FSTL4: variants seen among roughly 807,000 people sequenced by gnomAD.
The protein encoded by FSTL4 is follistatin-related protein 4.
In FSTL4, 28 loss-of-function variants were observed where a neutral mutation model predicts 78.2. That is an observed-to-expected ratio of 0.36 (90% CI 0.27 to 0.49). The LOEUF (loss-of-function observed/expected upper bound fraction) is 0.49. FSTL4 is among the 20% of genes least tolerant of loss of function. FSTL4 has a pLI of 0.98. For missense variants in FSTL4, 922 were observed against 1,084.9 expected (o/e 0.85, Z 2.11); for synonymous variants, 422 against 440.5 (o/e 0.96, Z 0.53).
At chr5:133,387,454 C>G (rs1395070088) in intron 4 of FSTL4, among the ~76,000 whole-genome samples, 1 of 152,196 alleles carries the variant, frequency 6.6e-6, no homozygotes, top group African/African-American at 2.4e-5. Flanking sequence ...CCACCCCACC[C>G]TGATGGCCAT....
intron 3 of FSTL4, among the ~76,000 whole-genome samples, chr5:133,450,903 G>A (rs1380253697): frequency 6.6e-6 from 1 of 152,174 alleles, no homozygotes; most frequent in Non-Finnish European, 1.5e-5. Context: ...TGCTGGACAA[G>A]ACCCAGACCC....
At chr5:133,517,060 G>C (rs1342711073) in intron 3 of FSTL4, among the ~76,000 whole-genome samples, 1 of 148,690 alleles carries the variant, frequency 6.7e-6, no homozygotes, top group Non-Finnish European at 1.5e-5. Context: ...CTGGGAGATA[G>C]AGTGAGACCC....
chr5:133,353,551 T>TGAAAATGAGGGAATGTTGTA (rs1754875710), intron 4 of FSTL4, among the ~76,000 whole-genome samples: 1 of 147,908 alleles, frequency 6.8e-6, no homozygotes. Flanking sequence ...TAACTAGGAG[T>TGAAAATGAGGGAATGTTGTA]GAAAATGAGG....
Position 133,426,141 on chromosome 5 carries a change from T to C in FSTL4, c.161-25155A>G, listed in dbSNP as rs577421166. On this transcript the variant is annotated intron_variant, in intron 3 of 15. Coordinates refer to ENST00000265342, the MANE Select transcript of FSTL4 (RefSeq NM_015082.2). The surrounding 1 kb of genome is among the most constrained non-coding windows in gnomAD (Gnocchi z 5.0). Reference sequence around the variant, plus strand: ...CCCCAACATCCCTGAGAGTGTGCCTTTGATCTCAAAAGAAGTCATCTTTCC... The same window carrying C: ...CCCCAACATCCCTGAGAGTGTGCCTCTGATCTCAAAAGAAGTCATCTTTCC... 3.7e-4 allele frequency among the ~76,000 whole-genome samples: 56 copies of C among 152,294 alleles called. No homozygotes were observed. The South Asian group carries it at 0.01, about 28-fold the overall frequency.
At chr5:133,749,834 T>C in the FSTL4 span, among the ~76,000 whole-genome samples, 4 of 152,228 alleles carry the variant, frequency 2.6e-5, no homozygotes, top group Admixed American at 1.3e-4. Flanking sequence ...TGAATCACCC[T>C]GAGCCTTAGA....
chr5:133,828,286 T>A, the FSTL4 span, among the ~76,000 whole-genome samples: 1 of 152,144 alleles, frequency 6.6e-6, no homozygotes. Context: ...AAATTCTAAG[T>A]ACATATGTAT....
At chr5:133,467,666 G>T (rs755870944) in intron 3 of FSTL4, among the ~76,000 whole-genome samples, 5 of 152,092 alleles carry the variant, frequency 3.3e-5, no homozygotes, top group Non-Finnish European at 5.9e-5. Context: ...TGCAGGCAAG[G>T]GGGAGAGAAG....
chr5:133,514,115 C>G (rs1458891694), intron 3 of FSTL4, among the ~76,000 whole-genome samples: 1 of 151,204 alleles, frequency 6.6e-6, no homozygotes, highest in East Asian at 1.9e-4. Flanking sequence ...GGAAGCGGAG[C>G]TTGCAATGAG....
the FSTL4 span, among the ~76,000 whole-genome samples, chr5:133,739,719 T>C: frequency 6.6e-6 from 1 of 152,082 alleles, no homozygotes; most frequent in Non-Finnish European, 1.5e-5. Context: ...GCATACACAA[T>C]CTCCTTTAAT....
chr5:133,593,727 A>T (rs1328977892), intron 2 of FSTL4, among the ~76,000 whole-genome samples: 1 of 152,212 alleles, frequency 6.6e-6, no homozygotes, highest in African/African-American at 2.4e-5. Flanking sequence ...TCTAATAAAG[A>T]TGTACTTCCT....
chr5:133,823,824 G>A, the FSTL4 span, among the ~76,000 whole-genome samples: 2 of 152,184 alleles, frequency 1.3e-5, no homozygotes, highest in African/African-American at 4.8e-5. Context: ...AAGCCAGCCT[G>A]CCCCTGGGGA....
In FSTL4 at chr5:133,418,185, A is replaced by T. The variant is rs535081564; in HGVS notation, c.161-17199T>A. 1.2e-4 allele frequency among the ~76,000 whole-genome samples: 19 copies of T among 152,042 alleles called. No individual in the cohort carries two copies. In the East Asian group the frequency reaches 3.7e-3, roughly 29 times the overall value. ...TAAAATGTGGTTCTTTAAAAAAATT[A>T]TGAATGTATAAATTCTTAGCAAGTC... On this transcript the variant is annotated intron_variant, in intron 3 of 15. Transcript: ENST00000265342.
intron 7 of FSTL4, among the ~76,000 whole-genome samples, chr5:133,245,121 TA>T (rs11315228): frequency 0.3 from 27,370 of 91,410 alleles, 3,567 homozygotes; most frequent in East Asian, 0.53. Context: ...CCCTACTGCC[TA>T]AAAAAAAAAA....
Position 133,611,849 on chromosome 5 carries a change from G to C in FSTL4, c.-11+476C>G, listed in dbSNP as rs1227546478. On this transcript the variant is annotated intron_variant, in intron 1 of 15. Coordinates refer to ENST00000265342, the MANE Select transcript of FSTL4 (RefSeq NM_015082.2). The surrounding 1 kb of genome is among the most constrained non-coding windows in gnomAD (Gnocchi z 4.9). ...GAGGAGGTGCTGAGAATGCCTGCCCGGCGCCCCAACCCGGAGCCAAGGGCA... is the reference window on the plus strand; with the variant it reads ...GAGGAGGTGCTGAGAATGCCTGCCCCGCGCCCCAACCCGGAGCCAAGGGCA... Among the ~76,000 whole-genome samples the C allele has an allele frequency of 6.6e-6, 1 of 152,138 alleles. No individual in the cohort carries two copies. Among genetic ancestry groups the C allele is most frequent in the Non-Finnish European group, 1.5e-5 (1 of 67,988 alleles).
intron 6 of FSTL4, among the ~76,000 whole-genome samples, chr5:133,302,617 C>T (rs1753569226): frequency 6.6e-6 from 1 of 152,188 alleles, no homozygotes; most frequent in South Asian, 2.1e-4. Context: ...ACAGGAGTCC[C>T]ACCAGGACAG....
At chr5:133,695,562 A>G in the FSTL4 span, among the ~76,000 whole-genome samples, 2 of 152,130 alleles carry the variant, frequency 1.3e-5, no homozygotes, top group Admixed American at 6.5e-5. Flanking sequence ...GAGACCTTAC[A>G]CCACTGACCT....
At chr5:133,501,444 T>C (rs569767291) in intron 3 of FSTL4, among the ~76,000 whole-genome samples, 1 of 152,132 alleles carries the variant, frequency 6.6e-6, no homozygotes, top group Admixed American at 6.5e-5. Context: ...AGGAGAACAG[T>C]GCAGTCCATG....
the FSTL4 span, among the ~76,000 whole-genome samples, chr5:133,640,481 C>A: frequency 7.2e-3 from 1,095 of 152,278 alleles, 11 homozygotes; most frequent in African/African-American, 0.025. Flanking sequence ...AAAGCAAGGT[C>A]AGAGTTGAGC....
intron 6 of FSTL4, among the ~76,000 whole-genome samples, chr5:133,302,012 A>G (rs991386894): frequency 5.9e-5 from 9 of 152,008 alleles, no homozygotes; most frequent in East Asian, 3.9e-4. Flanking sequence ...AGAGGAGAAC[A>G]AAACTCTTCT....
Sources: gnomAD v4.1 joint callset for allele counts (sites outside exome capture counted in the v4.1 genomes callset) on GRCh38, gnomAD v4.1.1 for gene constraint, Gnocchi (gnomAD v3.1) non-coding constraint, MANE v1.5 for transcripts, NCBI Gene and HGNC (gene_info 2026-07-23, HGNC 2026-07-21) for gene names.